PLCB4: variants seen among roughly 807,000 people sequenced by gnomAD.
The protein encoded by PLCB4 is phospholipase C beta 4.
A neutral mutation model predicts 178.8 loss-of-function variants in PLCB4; 77 were observed. That is an observed-to-expected ratio of 0.43 (90% CI 0.36 to 0.52). PLCB4 has a LOEUF of 0.52. PLCB4 is among the 20% of genes least tolerant of loss of function. The probability of loss-of-function intolerance (pLI) is 0.00; values close to 1 mark genes in which losing one functional copy is unlikely to be tolerated. For missense variants in PLCB4, 1,024 were observed against 1,453.4 expected, an observed-to-expected ratio of 0.70 and a Z score of 4.80; for synonymous variants, 496 against 490.8, an observed-to-expected ratio of 1.01 and a Z score of -0.14.
chr20:9,387,372 G>T, intron 14 of PLCB4, 91 bp from the exon 15 acceptor site: 1 of 669,580 alleles, frequency 1.5e-6, no homozygotes. Flanking sequence ...TGTTCTGGAA[G>T]AAAACAACTT....
At chr20:9,319,100 A>G (rs2094931737) in intron 4 of PLCB4, among the ~76,000 whole-genome samples, 1 of 152,224 alleles carries the variant, frequency 6.6e-6, no homozygotes, top group African/African-American at 2.4e-5. Flanking sequence ...CTCTTAATGC[A>G]TGTGGTGTAG....
Position 9,389,875 on chromosome 20 carries a change from A to G in PLCB4, c.1159-4A>G, listed in dbSNP as rs751859482. The G allele has an allele frequency of 3.7e-5, 56 of 1,514,526 alleles. No homozygotes were observed. The highest frequency in any genetic ancestry group is 4.8e-5 in the Non-Finnish European group (53 of 1,104,196). The allele number at this position is 1,514,526 out of a possible 1,614,324, so 93.8% of individuals were successfully genotyped here. A position where few individuals can be genotyped will look rare whatever the true frequency, so the allele number is the denominator to read the frequency against. ...CTCATTAACGTTTTTTTTTGTTTTT[A>G]AAGGATGTAATTCAAGCCATCAAGG... is the stretch of plus-strand genomic sequence containing the variant. On this transcript the variant is annotated splice_polypyrimidine_tract_variant and splice_region_variant and intron_variant, in intron 15 of 39. Coordinates refer to ENST00000378473, the MANE Select transcript of PLCB4 (RefSeq NM_001377142.1).
At chr20:9,454,175 T>C (rs1194627501) in intron 33 of PLCB4, among the ~76,000 whole-genome samples, 1 of 152,168 alleles carries the variant, frequency 6.6e-6, no homozygotes, top group East Asian at 1.9e-4. Flanking sequence ...ATGATGAGAG[T>C]GAGGTTATGC....
intron 2 of PLCB4, among the ~76,000 whole-genome samples, chr20:9,186,587 G>C (rs2093332109): frequency 6.6e-6 from 1 of 152,156 alleles, no homozygotes; most frequent in African/African-American, 2.4e-5. Flanking sequence ...TCACTTCTTT[G>C]TCTTTCCTGT....
intron 3 of PLCB4, among the ~76,000 whole-genome samples, chr20:9,274,646 T>A (rs1268877774): frequency 6.6e-6 from 1 of 152,138 alleles, no homozygotes; most frequent in Non-Finnish European, 1.5e-5. Context: ...TCTTCTGTCC[T>A]ACGAAAACCA....
chr20:9,350,153 T>C (rs1408192277), intron 7 of PLCB4, among the ~76,000 whole-genome samples: 1 of 150,784 alleles, frequency 6.6e-6, no homozygotes, highest in African/African-American at 2.5e-5. Flanking sequence ...AAAAAATAAA[T>C]TTAAAAAAAA....
intron 6 of PLCB4, 135 bp from the exon 7 acceptor site, chr20:9,338,759 G>A (rs914570270): frequency 1.5e-6 from 1 of 645,588 alleles, no homozygotes; most frequent in Non-Finnish European, 2.6e-6. Flanking sequence ...CACCTCTACA[G>A]GTTTTAGAAT....
intron 4 of PLCB4, among the ~76,000 whole-genome samples, chr20:9,322,414 G>A (rs1403817666): frequency 6.6e-6 from 1 of 152,172 alleles, no homozygotes; most frequent in African/African-American, 2.4e-5. Context: ...CTAACAAGGA[G>A]CATATAATTT....
chr20:9,157,971 G>A (rs1446916618), intron 2 of PLCB4, among the ~76,000 whole-genome samples: 2 of 152,108 alleles, frequency 1.3e-5, no homozygotes, highest in Admixed American at 6.6e-5. Flanking sequence ...CTTCCTATAT[G>A]TCAGCTAGCC....
chr20:9,377,546 T>G (rs140735461), intron 12 of PLCB4, among the ~76,000 whole-genome samples: 398 of 152,322 alleles, frequency 2.6e-3, no homozygotes, highest in African/African-American at 9.1e-3. Flanking sequence ...AGCATGAAGA[T>G]TTTAGGGAGA....
intron 2 of PLCB4, among the ~76,000 whole-genome samples, chr20:9,144,661 A>AAGG (rs1262122023): frequency 2.2e-5 from 3 of 138,862 alleles, no homozygotes; most frequent in Non-Finnish European, 4.7e-5. Context: ...AAGAAGAAAG[A>AAGG]AGGAGGAGGA....
At chr20:9,182,978 T>G (rs1227214700) in intron 2 of PLCB4, among the ~76,000 whole-genome samples, 1 of 152,184 alleles carries the variant, frequency 6.6e-6, no homozygotes, top group Non-Finnish European at 1.5e-5. Context: ...GACTTCAGGA[T>G]TCAACGTGTC....
At chr20:9,264,607 T>C (rs2094330604) in intron 3 of PLCB4, among the ~76,000 whole-genome samples, 1 of 152,200 alleles carries the variant, frequency 6.6e-6, no homozygotes, top group Non-Finnish European at 1.5e-5. Context: ...GCACTTGATT[T>C]TTTGTGACTA....
intron 30 of PLCB4, among the ~76,000 whole-genome samples, chr20:9,440,632 A>C (rs948627384): frequency 2.0e-5 from 3 of 152,226 alleles, no homozygotes; most frequent in African/African-American, 7.2e-5. Context: ...CCCAGCTCAG[A>C]TTCAAGAGTT....
intron 3 of PLCB4, among the ~76,000 whole-genome samples, chr20:9,280,109 GT>G (rs2094481810): frequency 6.6e-6 from 1 of 151,994 alleles, no homozygotes; most frequent in African/African-American, 2.4e-5. Context: ...GACTTGTTCA[GT>G]TGCTAGAAGC....
chr20:9,243,756 T>TA (rs2094093343), intron 3 of PLCB4, among the ~76,000 whole-genome samples: 1 of 152,204 alleles, frequency 6.6e-6, no homozygotes, highest in South Asian at 2.1e-4. Context: ...TGGATTCAAA[T>TA]CCCAGCTGTG....
chr20:9,356,888 G>T (rs1267504598), intron 7 of PLCB4, among the ~76,000 whole-genome samples: 1 of 152,172 alleles, frequency 6.6e-6, no homozygotes, highest in African/African-American at 2.4e-5. Flanking sequence ...GGCCGAAGCA[G>T]ATACATAGCT....
intron 3 of PLCB4, among the ~76,000 whole-genome samples, chr20:9,291,092 G>A (rs1416918547): frequency 6.6e-6 from 1 of 151,938 alleles, no homozygotes; most frequent in Non-Finnish European, 1.5e-5. Flanking sequence ...TATTAATTGT[G>A]GAAATAGTGT....
intron 12 of PLCB4, among the ~76,000 whole-genome samples, chr20:9,374,053 TAAGAA>T (rs1276978119): frequency 6.6e-6 from 1 of 152,194 alleles, no homozygotes; most frequent in African/African-American, 2.4e-5. Context: ...CGTATTATCT[TAAGAA>T]AAGATAAAAA....
Sources: allele counts gnomAD v4.1 joint callset (sites outside exome capture counted in the v4.1 genomes callset), GRCh38; gene constraint gnomAD v4.1.1; transcripts MANE v1.5; gene names NCBI Gene and HGNC (gene_info 2026-07-23, HGNC 2026-07-21).